The following HTR2B variants were observed in gnomAD, a reference collection of about 807,000 sequenced individuals.
HTR2B encodes the protein 5-HT 2B receptor.
A neutral mutation model predicts 39.8 loss-of-function variants in HTR2B; 31 were observed. The observed-to-expected ratio is 0.78, with a 90% CI of 0.58 to 1.05. The LOEUF (loss-of-function observed/expected upper bound fraction) is 1.05. Ranked by LOEUF, HTR2B falls within the 50% of genes least tolerant of loss-of-function variation. The pLI is 0.00. For synonymous variants in HTR2B, 210 were observed against 207.1 expected, an observed-to-expected ratio of 1.01 and a Z score of -0.12; for missense variants, 562 against 578.0, an observed-to-expected ratio of 0.97 and a Z score of 0.28.
rs1444997071 is a variant in HTR2B, at chr2:231,108,862, C to G, written c.1101G>C (p.Trp367Cys). 1.2e-6 allele frequency: 2 copies of G among 1,613,970 alleles called. No individual in the cohort carries two copies. The highest frequency in any genetic ancestry group is 1.7e-6 in the Non-Finnish European group (2 of 1,180,000). ...TLQMLLEIFV[W>C]IGYVSSGVNP... ...TCACTCCTGAGGAAACATAGCCTAT[C>G]CACACAAATATCTCCAGGAGCATTT... is the stretch of plus-strand genomic sequence containing the variant. Residue 367 changes from tryptophan (W) to cysteine (C), a missense_variant, in exon 4 of 4, where the codon TGG becomes TGC. By Grantham distance (215) the Trp-to-Cys change is radical. Transcript: ENST00000258400.
rs1695241977 is a variant in HTR2B at position 231,113,849 on chromosome 2, G to T, written c.433C>A (p.His145Asn). The change falls in exon 3 of 4, where the codon CAT (histidine) becomes AAT (asparagine). Residue 145 changes from histidine (H) to asparagine (N), a missense_variant. Physicochemically the swap from His to Asn is moderately conservative, Grantham distance 68. Transcript: ENST00000258400. ...CGATCCACTGAAATGGCACAGAGAT[G>T]CATGATGGATGCGGTTGAAAAGAGA... ...DVLFSTASIM[H>N]LCAISVDRYI... 6.2e-7 allele frequency: 1 copy of T among 1,614,028 alleles called. No homozygotes were observed. Among genetic ancestry groups the T allele is most frequent in the South Asian group, 1.1e-5 (1 of 91,092 alleles).
Position 231,111,865 on chromosome 2 carries a change from G to A in HTR2B, c.553+1864C>T, listed in dbSNP as rs80351650. On this transcript the variant is annotated intron_variant, in intron 3 of 3. Transcript: ENST00000258400. The stretch of plus-strand genomic sequence containing the variant: ...TCTCCTGCATCACTCATCACTTTGT[G>A]TTAGTGTAATTTGTTTATATGTCCG... Among the ~76,000 whole-genome samples, 513 of 152,272 alleles carry A rather than the reference G, an allele frequency of 3.4e-3. 4 individuals are homozygous for A. Among genetic ancestry groups the A allele is most frequent in the African/African-American group, 0.012 (493 of 41,550 alleles).
rs1417777695 is a variant in HTR2B at position 231,115,515 on chromosome 2, G to A, written c.353-1586C>T. Among the ~76,000 whole-genome samples, 6 of 152,228 alleles carry A rather than the reference G, an allele frequency of 3.9e-5. No individual in the cohort carries two copies. In the East Asian group the frequency reaches 1.2e-3, roughly 29 times the overall value. ...TATGTTCAGCAGCTTCTTAAAAAGGGATTAAAGCATCAAGTGGAAAGGGTC... is the reference window on the plus strand; with the variant it reads ...TATGTTCAGCAGCTTCTTAAAAAGGAATTAAAGCATCAAGTGGAAAGGGTC... On this transcript the variant is annotated intron_variant, in intron 2 of 3. Coordinates refer to ENST00000258400, the MANE Select transcript of HTR2B (RefSeq NM_000867.5).
In HTR2B at chr2:231,123,841, T is replaced by G; in HGVS notation, c.-77A>C. 8.7e-7 allele frequency: 1 copy of G among 1,153,424 alleles called. No homozygotes were observed. The highest frequency in any genetic ancestry group is 1.3e-6 in the Non-Finnish European group (1 of 763,500). The allele number at this position is 1,153,424 out of a possible 1,614,324, so 71.4% of individuals were successfully genotyped here. ...AGTAGCTAAGCTGCTCATCTGTTTTTTTAAGGCATTGTAACCATGCCAAAC... is the reference window on the plus strand; with the variant it reads ...AGTAGCTAAGCTGCTCATCTGTTTTGTTAAGGCATTGTAACCATGCCAAAC... On this transcript the variant is annotated 5_prime_UTR_variant, in exon 2 of 4. Transcript: ENST00000258400.
intron 3 of HTR2B, 33 bp downstream of exon 3, chr2:231,113,696 T>C (rs1695234437): frequency 6.3e-7 from 1 of 1,584,818 alleles, no homozygotes; most frequent in Non-Finnish European, 8.7e-7. Flanking sequence ...AAAGATTTTG[T>C]ATACCACCCA....
chr2:231,110,731 T>A (rs1695130085), intron 3 of HTR2B, among the ~76,000 whole-genome samples: 2 of 152,260 alleles, frequency 1.3e-5, no homozygotes, highest in Non-Finnish European at 2.9e-5. Context: ...ATACTACAGT[T>A]TGAGGACCAT....
intron 2 of HTR2B, among the ~76,000 whole-genome samples, chr2:231,122,643 C>T (rs1695583744): frequency 6.6e-6 from 1 of 152,000 alleles, no homozygotes; most frequent in Non-Finnish European, 1.5e-5. Context: ...AGATGATATG[C>T]AGAAATCTGG....
chr2:231,114,116 CTT>C (rs1440332664), intron 2 of HTR2B, among the ~76,000 whole-genome samples, 187 bp from the exon 3 acceptor site: 1 of 152,112 alleles, frequency 6.6e-6, no homozygotes, highest in Non-Finnish European at 1.5e-5. Context: ...TGGATGGTAA[CTT>C]TTAAATACAT....
At chr2:231,113,145 C>T (rs1429971847) in intron 3 of HTR2B, among the ~76,000 whole-genome samples, 1 of 152,064 alleles carries the variant, frequency 6.6e-6, no homozygotes, top group East Asian at 1.9e-4. Context: ...GCCTGGGTGA[C>T]AGAGCAAGAC....
At chr2:231,114,093 T>G (rs540842989) in intron 2 of HTR2B, among the ~76,000 whole-genome samples, 164 bp from the exon 3 acceptor site, 3 of 152,356 alleles carry the variant, frequency 2.0e-5, no homozygotes, top group Admixed American at 6.5e-5. Context: ...CAACATTAAA[T>G]TCAATATTTC....
chr2:231,109,526 G>A, intron 3 of HTR2B, 117 bp from the exon 4 acceptor site: 1 of 870,876 alleles, frequency 1.1e-6, no homozygotes, highest in Non-Finnish European at 1.8e-6. Flanking sequence ...ATAATTCCTG[G>A]GACCCACAAT....
chr2:231,108,931 A>G lies in HTR2B; in HGVS notation c.1032T>C (p.Asn344=), dbSNP rs375511882. The part of the protein sequence containing the change: ...LLMWCPFFIT[N]ITLVLCDSCN... Reference sequence around the variant, plus strand: ...AGGAATCACATAAAACTAAAGTTATATTTGTAATAAAGAAGGGACACCACA... The same window carrying G: ...AGGAATCACATAAAACTAAAGTTATGTTTGTAATAAAGAAGGGACACCACA... The change falls in exon 4 of 4, where the codon AAT becomes AAC. Residue 344 remains asparagine (N), a synonymous_variant. Coordinates refer to ENST00000258400, the MANE Select transcript of HTR2B (RefSeq NM_000867.5). 3 of 1,614,062 alleles carry G rather than the reference A, an allele frequency of 1.9e-6. No homozygotes were observed. In the African/African-American group the frequency reaches 4.0e-5, roughly 22 times the overall value.
chr2:231,110,344 G>T (rs1454872100), intron 3 of HTR2B, among the ~76,000 whole-genome samples: 1 of 152,064 alleles, frequency 6.6e-6, no homozygotes. Flanking sequence ...TTTATGACCT[G>T]GGAAAGAAAT....
chr2:231,113,098 A>G (rs562537608), intron 3 of HTR2B, among the ~76,000 whole-genome samples: 1 of 152,282 alleles, frequency 6.6e-6, no homozygotes, highest in East Asian at 1.9e-4. Context: ...CGGGAAGTCG[A>G]GGCAGCAGTG....
rs568451050 is a variant in HTR2B, at chr2:231,108,785, C to G, written c.1178G>C (p.Arg393Pro). Reference protein sequence around the residue: ...FNKTFRDAFGRYITCNYRATK... With the variant: ...FNKTFRDAFGPYITCNYRATK... ...GGCCCGGTAATTGCAGGTGATATAT[C>G]GGCCAAATGCATCCCGAAATGTCTT... Residue 393 changes from arginine to proline, a missense_variant, in exon 4 of 4, where the codon CGA (arginine) becomes CCA (proline). Transcript: ENST00000258400. 83 of 1,614,048 alleles carry G rather than the reference C, an allele frequency of 5.1e-5. No homozygotes were observed. In the East Asian group the frequency reaches 1.8e-3, roughly 35 times the overall value.
At position 231,113,871 on chromosome 2, in the gene HTR2B, G is replaced by A. The variant is rs1340986001; in HGVS notation, c.411C>T (p.Leu137=). ...GATGCATGATGGATGCGGTTGAAAA[G>A]AGAACGTCAAGAAATAACCAGGCAG... ...LCPAWLFLDV[L]FSTASIMHLC... is the part of the protein sequence containing the mutation. Residue 137 remains leucine, a synonymous_variant, in exon 3 of 4, where the codon CTC becomes CTT. Coordinates refer to ENST00000258400, the MANE Select transcript of HTR2B (RefSeq NM_000867.5). 6.2e-7 allele frequency: 1 copy of A among 1,614,042 alleles called. No individual in the cohort carries two copies. The highest frequency in any genetic ancestry group is 2.2e-5 in the East Asian group (1 of 44,884).
intron 2 of HTR2B, among the ~76,000 whole-genome samples, chr2:231,114,641 C>T (rs17440378): frequency 0.15 from 22,974 of 152,038 alleles, 1,905 homozygotes; most frequent in Non-Finnish European, 0.16. Flanking sequence ...CAGGGTTAGA[C>T]GTAGTACTTA....
intron 2 of HTR2B, among the ~76,000 whole-genome samples, chr2:231,121,017 A>G (rs572685175): frequency 6.6e-6 from 1 of 152,334 alleles, no homozygotes; most frequent in East Asian, 1.9e-4. Flanking sequence ...TTCCCAATTT[A>G]TGAATTCATC....
intron 3 of HTR2B, among the ~76,000 whole-genome samples, chr2:231,109,899 G>A (rs1310013591): frequency 6.6e-6 from 1 of 152,158 alleles, no homozygotes; most frequent in African/African-American, 2.4e-5. Context: ...TGATATGTGT[G>A]AATGTCTTTT....
Sources: gnomAD v4.1 joint callset for allele counts (sites outside exome capture counted in the v4.1 genomes callset) on GRCh38, gnomAD v4.1.1 for gene constraint, MANE v1.5 for transcripts, NCBI Gene and HGNC (gene_info 2026-07-23, HGNC 2026-07-21) for gene names.